The following UBE2E2 variants were observed in gnomAD, a reference collection of about 807,000 sequenced individuals.
UBE2E2 encodes the protein ubiquitin-conjugating enzyme E2 E2.
UBE2E2 carries 6 observed loss-of-function variants against 24.7 expected under a neutral mutation model. That is an observed-to-expected ratio of 0.24 (90% CI 0.13 to 0.48). UBE2E2 has a LOEUF of 0.48. Among genes scored for constraint, UBE2E2 ranks in the 20% least tolerant of loss-of-function variants. The probability of loss-of-function intolerance (pLI) is 0.99; values close to 1 mark genes in which losing one functional copy is unlikely to be tolerated. For synonymous variants in UBE2E2, 104 were observed against 83.6 expected, an observed-to-expected ratio of 1.24 and a Z score of -1.33; for missense variants, 169 against 245.0, an observed-to-expected ratio of 0.69 and a Z score of 2.07.
chr3:23,382,046 A>G (rs1357576529), intron 3 of UBE2E2, among the ~76,000 whole-genome samples: 1 of 152,160 alleles, frequency 6.6e-6, no homozygotes, highest in Non-Finnish European at 1.5e-5. Context: ...TTTTTAAAAC[A>G]GTTGTTTCAA....
intron 3 of UBE2E2, among the ~76,000 whole-genome samples, chr3:23,391,780 T>C (rs901922412): frequency 6.6e-6 from 1 of 152,022 alleles, no homozygotes; most frequent in Non-Finnish European, 1.5e-5. Context: ...TGAGTTTGGG[T>C]AGTGTGAGTT....
intron 3 of UBE2E2, among the ~76,000 whole-genome samples, chr3:23,493,468 T>C (rs1699541207): frequency 6.6e-6 from 1 of 152,224 alleles, no homozygotes; most frequent in South Asian, 2.1e-4. Context: ...TTTTTCATTC[T>C]AAAAGATTTA....
At chr3:23,446,792 G>A (rs1698442899) in intron 3 of UBE2E2, among the ~76,000 whole-genome samples, 1 of 140,088 alleles carries the variant, frequency 7.1e-6, no homozygotes, top group African/African-American at 2.7e-5. Context: ...TTAAGTCTTT[G>A]ATAGTGCTCT....
intron 5 of UBE2E2, among the ~76,000 whole-genome samples, chr3:23,568,692 C>T (rs201372324): frequency 0.037 from 2,988 of 80,874 alleles, 62 homozygotes; most frequent in Middle Eastern, 0.094. Context: ...TACATATATA[C>T]ACACATATAT....
intron 3 of UBE2E2, among the ~76,000 whole-genome samples, chr3:23,282,993 A>C (rs959603790): frequency 6.6e-6 from 1 of 152,204 alleles, no homozygotes. Flanking sequence ...TTGAGTGATA[A>C]TATAATGATA....
intron 5 of UBE2E2, among the ~76,000 whole-genome samples, chr3:23,561,671 C>G: frequency 6.6e-6 from 1 of 150,774 alleles, no homozygotes; most frequent in African/African-American, 2.5e-5. Context: ...GCAGTGTGGC[C>G]ATTTTCACGA....
intron 4 of UBE2E2, among the ~76,000 whole-genome samples, chr3:23,523,987 A>G (rs1347857857): frequency 1.3e-5 from 2 of 152,110 alleles, no homozygotes; most frequent in African/African-American, 4.8e-5. Flanking sequence ...TCTCCGTGGA[A>G]AAGTATTTTT....
intron 3 of UBE2E2, among the ~76,000 whole-genome samples, chr3:23,357,466 A>G (rs1365855562): frequency 6.6e-6 from 1 of 152,088 alleles, no homozygotes; most frequent in Non-Finnish European, 1.5e-5. Context: ...CATAGAAAAT[A>G]TTTGATTCTT....
At chr3:23,441,538 C>CAAGAAAAAAAA (rs1698304774) in intron 3 of UBE2E2, among the ~76,000 whole-genome samples, 1 of 95,794 alleles carries the variant, frequency 1.0e-5, no homozygotes. Flanking sequence ...GACTCCGTCT[C>CAAGAAAAAAAA]AAAAAAAAAA....
intron 3 of UBE2E2, among the ~76,000 whole-genome samples, chr3:23,225,281 CAT>C (rs1575484035): frequency 1.3e-5 from 2 of 150,880 alleles, no homozygotes; most frequent in East Asian, 1.9e-4. Context: ...ACCTTTGAAA[CAT>C]AGAAGTTTTT....
At position 23,242,062 on chromosome 3, in the gene UBE2E2, AAC is replaced by A. The variant is rs562079575; in HGVS notation, c.227+24755_227+24756del. 2.3e-3 allele frequency among the ~76,000 whole-genome samples: 347 copies of A among 152,274 alleles called. 1 individual carries two copies. Among genetic ancestry groups the A allele is most frequent in the Non-Finnish European group, 4.0e-3 (272 of 68,010 alleles). The stretch of plus-strand genomic sequence containing the variant: ...GTAGCTGAGACTACAGGATTGGGCT[AAC>A]ACACCTAGCTAAATTTTTATTTTTA... On this transcript the variant is annotated intron_variant, in intron 3 of 5. Transcript: ENST00000396703.
intron 3 of UBE2E2, among the ~76,000 whole-genome samples, chr3:23,362,794 G>A (rs541324701): frequency 6.6e-6 from 1 of 152,238 alleles, no homozygotes; most frequent in Admixed American, 6.5e-5. Context: ...AGGTAGCCAG[G>A]TAGCAATGCC....
intron 3 of UBE2E2, among the ~76,000 whole-genome samples, chr3:23,237,526 G>C (rs1173782550): frequency 6.6e-6 from 1 of 152,114 alleles, no homozygotes; most frequent in Non-Finnish European, 1.5e-5. Flanking sequence ...TTAGTAAAAG[G>C]AAGATGACTA....
chr3:23,269,304 C>G (rs1361296508), intron 3 of UBE2E2, among the ~76,000 whole-genome samples: 3 of 152,188 alleles, frequency 2.0e-5, no homozygotes, highest in Non-Finnish European at 4.4e-5. Flanking sequence ...ACCTACTCAT[C>G]TGACAAAGGG....
chr3:23,528,238 C>T (rs1369207143), intron 4 of UBE2E2, among the ~76,000 whole-genome samples: 2 of 152,226 alleles, frequency 1.3e-5, no homozygotes, highest in Non-Finnish European at 2.9e-5. Context: ...CTTCCAATCT[C>T]ATAGAAACCC....
intron 3 of UBE2E2, among the ~76,000 whole-genome samples, chr3:23,412,917 C>T (rs1178528373): frequency 6.6e-6 from 1 of 151,914 alleles, no homozygotes; most frequent in Non-Finnish European, 1.5e-5. Context: ...TAATTGTTGG[C>T]CCTTACCCAA....
chr3:23,235,098 C>T (rs1005321675), intron 3 of UBE2E2, among the ~76,000 whole-genome samples: 2 of 152,160 alleles, frequency 1.3e-5, no homozygotes, highest in African/African-American at 4.8e-5. Flanking sequence ...TGGAAGGCAT[C>T]TCCAGCCTTT....
At chr3:23,575,973 A>T (rs1040027501) in intron 5 of UBE2E2, among the ~76,000 whole-genome samples, 2 of 152,204 alleles carry the variant, frequency 1.3e-5, no homozygotes, top group Admixed American at 1.3e-4. Context: ...TTACAGAAGA[A>T]AATGCGAGTT....
At chr3:23,404,479 A>G (rs1016355203) in intron 3 of UBE2E2, among the ~76,000 whole-genome samples, 1 of 152,140 alleles carries the variant, frequency 6.6e-6, no homozygotes, top group African/African-American at 2.4e-5. Context: ...AGTTGACCCT[A>G]CATTAGTAGA....
Sources: allele counts gnomAD v4.1 joint callset (sites outside exome capture counted in the v4.1 genomes callset), GRCh38; gene constraint gnomAD v4.1.1; transcripts MANE v1.5; gene names NCBI Gene and HGNC (gene_info 2026-07-23, HGNC 2026-07-21).